Variants in BMPR1B observed in about 807,000 individuals in gnomAD.
BMPR1B encodes the protein bone morphogenetic protein receptor type 1B, also known as bone morphogenetic protein receptor type-1B.
BMPR1B carries 12 observed loss-of-function variants against 59.1 expected under a neutral mutation model. The ratio of observed to expected loss-of-function variants is 0.20; its 90% CI spans 0.13 to 0.33. The LOEUF (loss-of-function observed/expected upper bound fraction) is 0.33. Ranked by LOEUF, BMPR1B falls within the 10% of genes least tolerant of loss-of-function variation. The probability of loss-of-function intolerance (pLI) is 1.00; values close to 1 mark genes in which losing one functional copy is unlikely to be tolerated. For synonymous variants in BMPR1B, 237 were observed against 207.3 expected, an observed-to-expected ratio of 1.14 and a Z score of -1.23; for missense variants, 550 against 610.9, an observed-to-expected ratio of 0.90 and a Z score of 1.05.
At chr4:94,989,644 A>G (rs1017969593) in intron 2 of BMPR1B, among the ~76,000 whole-genome samples, 4 of 152,176 alleles carry the variant, frequency 2.6e-5, no homozygotes, top group African/African-American at 9.7e-5. Context: ...TCTCCTTACT[A>G]AAAGTTCTAT....
chr4:94,897,601 G>A (rs1021233977), intron 2 of BMPR1B, among the ~76,000 whole-genome samples: 1 of 151,994 alleles, frequency 6.6e-6, no homozygotes, highest in Non-Finnish European at 1.5e-5. Flanking sequence ...AGGCAATAAT[G>A]TACATGTTCT....
chr4:95,096,252 CAA>C (rs1730367580), intron 3 of BMPR1B, among the ~76,000 whole-genome samples: 1 of 151,606 alleles, frequency 6.6e-6, no homozygotes, highest in Non-Finnish European at 1.5e-5. Flanking sequence ...TTTCCTACTA[CAA>C]GAGATTCCAT....
intron 2 of BMPR1B, among the ~76,000 whole-genome samples, chr4:94,939,506 A>C (rs918377102): frequency 1.3e-5 from 2 of 152,170 alleles, no homozygotes; most frequent in African/African-American, 4.8e-5. Flanking sequence ...ATTTTCCTAG[A>C]CTAATGTAGT....
intron 3 of BMPR1B, among the ~76,000 whole-genome samples, chr4:95,072,173 T>C (rs2149221285): frequency 6.6e-6 from 1 of 152,254 alleles, no homozygotes; most frequent in Non-Finnish European, 1.5e-5. Flanking sequence ...CTCTCTTACT[T>C]TGAGAAAGGG....
At chr4:94,970,304 C>G (rs1730734103) in intron 2 of BMPR1B, among the ~76,000 whole-genome samples, 1 of 135,722 alleles carries the variant, frequency 7.4e-6, no homozygotes. Context: ...CTCTTCTCTT[C>G]TTTCTCTCTC....
In BMPR1B at chr4:94,850,709, G is replaced by A. The variant is rs368365995; in HGVS notation, c.-182-25122G>A. Among the ~76,000 whole-genome samples the A allele has an allele frequency of 2.5e-4, 38 of 152,232 alleles. 1 individual carries two copies. In the South Asian group the frequency reaches 7.1e-3, roughly 28 times the overall value. On this transcript the variant is annotated intron_variant, in intron 1 of 12. Coordinates refer to ENST00000515059, the MANE Select transcript of BMPR1B (RefSeq NM_001203.3). The stretch of plus-strand genomic sequence containing the variant: ...CCTCAGTGGTACCTCTGAGTGTACC[G>A]CTCTTGTCCAAGGCTGGATCCTACT...
chr4:95,011,801 C>T (rs537318413), intron 3 of BMPR1B, among the ~76,000 whole-genome samples: 144 of 152,010 alleles, frequency 9.5e-4, no homozygotes, highest in Non-Finnish European at 1.9e-3. Flanking sequence ...GGTGGATCAT[C>T]TGAGGTTGGG....
chr4:95,138,077 C>T (rs1177951575), intron 10 of BMPR1B, among the ~76,000 whole-genome samples: 1 of 152,184 alleles, frequency 6.6e-6, no homozygotes, highest in East Asian at 1.9e-4. Context: ...GTGCTTCCTT[C>T]AGGAGCTCTT....
chr4:95,120,865 G>A (rs1732472000), intron 6 of BMPR1B, among the ~76,000 whole-genome samples: 2 of 149,124 alleles, frequency 1.3e-5, no homozygotes, highest in Non-Finnish European at 3.0e-5. Context: ...CTGGAGTGCA[G>A]TGACACGATT....
intron 3 of BMPR1B, among the ~76,000 whole-genome samples, chr4:95,079,975 A>G (rs939181677): frequency 6.6e-6 from 1 of 152,142 alleles, no homozygotes; most frequent in African/African-American, 2.4e-5. Flanking sequence ...AATATTTGCC[A>G]ATACTTCATA....
chr4:95,051,945 C>T lies in BMPR1B; in HGVS notation c.-17-52463C>T, dbSNP rs183866329. Among the ~76,000 whole-genome samples, 666 of 126,274 alleles carry T rather than the reference C, an allele frequency of 5.3e-3. 5 individuals carry two copies. The highest frequency in any genetic ancestry group is 0.017 in the African/African-American group (629 of 37,772). The allele number at this position is 126,274 out of a possible 152,430, so 82.8% of individuals were successfully genotyped here. ...TACTACTTTCTCTATTATGGCAAGG[C>T]TTTCTAAGTACTCTGTTAGAATAAT... On this transcript the variant is annotated intron_variant, in intron 3 of 12. Transcript: ENST00000515059.
intron 3 of BMPR1B, among the ~76,000 whole-genome samples, chr4:94,998,183 A>G (rs565443150): frequency 1.3e-5 from 2 of 152,306 alleles, no homozygotes; most frequent in South Asian, 4.1e-4. Flanking sequence ...ATTGGTTATC[A>G]TATTTATAAA....
intron 3 of BMPR1B, among the ~76,000 whole-genome samples, chr4:95,030,958 T>C (rs920162811): frequency 6.6e-6 from 1 of 151,980 alleles, no homozygotes; most frequent in African/African-American, 2.4e-5. Context: ...AGGTAATTTA[T>C]AGATTCAATG....
At chr4:95,067,071 A>T (rs982636304) in intron 3 of BMPR1B, among the ~76,000 whole-genome samples, 5 of 152,110 alleles carry the variant, frequency 3.3e-5, no homozygotes, top group Non-Finnish European at 5.9e-5. Flanking sequence ...TATTTCTTTT[A>T]ATTGAGAGAG....
chr4:94,776,201 A>G (rs186446861), intron 1 of BMPR1B, among the ~76,000 whole-genome samples: 1 of 152,260 alleles, frequency 6.6e-6, no homozygotes, highest in African/African-American at 2.4e-5. Context: ...CTGTATTAAA[A>G]TAATTTTGAG....
intron 2 of BMPR1B, among the ~76,000 whole-genome samples, chr4:94,987,033 TC>T (rs1442247340): frequency 2.3e-5 from 1 of 42,800 alleles, no homozygotes; most frequent in African/African-American, 7.9e-5. Flanking sequence ...AGAGCCAGAC[TC>T]TGTCTCAAAA....
intron 3 of BMPR1B, among the ~76,000 whole-genome samples, chr4:95,073,227 C>G (rs556231322): frequency 9.3e-4 from 141 of 152,228 alleles, no homozygotes; most frequent in African/African-American, 3.1e-3. Context: ...TAATATTTGA[C>G]TTGCCAAGCC....
chr4:94,839,401 C>G (rs1033574345), intron 1 of BMPR1B, among the ~76,000 whole-genome samples: 1 of 146,784 alleles, frequency 6.8e-6, no homozygotes, highest in Admixed American at 6.8e-5. Context: ...GTCTAAGTCT[C>G]TTTGTAGGTC....
chr4:94,860,769 C>A (rs1257631200), intron 1 of BMPR1B, among the ~76,000 whole-genome samples: 2 of 152,188 alleles, frequency 1.3e-5, no homozygotes, highest in Non-Finnish European at 2.9e-5. Flanking sequence ...GTAGACATTT[C>A]TGGTGCCAGT....
Sources: allele counts gnomAD v4.1 joint callset (sites outside exome capture counted in the v4.1 genomes callset), GRCh38; gene constraint gnomAD v4.1.1; transcripts MANE v1.5; gene names NCBI Gene and HGNC (gene_info 2026-07-23, HGNC 2026-07-21).